The following HECW1 variants were observed in gnomAD, a reference collection of about 807,000 sequenced individuals.
HECW1 encodes the protein E3 ubiquitin-protein ligase HECW1.
A neutral mutation model predicts 182.3 loss-of-function variants in HECW1; 61 were observed. That is an observed-to-expected ratio of 0.33 (90% confidence interval 0.27 to 0.41). HECW1 has a LOEUF of 0.41. Among genes scored for constraint, HECW1 ranks in the 10% least tolerant of loss-of-function variants. HECW1 has a pLI of 1.00. For missense variants in HECW1, 1,739 were observed against 2,108.9 expected (o/e 0.82, Z 3.44); for synonymous variants, 859 against 832.6 (o/e 1.03, Z -0.55).
At chr7:43,192,282 A>G (rs567736705) in intron 2 of HECW1, among the ~76,000 whole-genome samples, 352 of 152,352 alleles carry the variant, frequency 2.3e-3, no homozygotes, top group African/African-American at 8.1e-3. Context: ...ATAGATCAGT[A>G]GGGTGACTCA....
chr7:43,213,724 C>T lies in HECW1; in HGVS notation c.-31-30151C>T, dbSNP rs536509505. ...CCTCCAAAAGTGCTGGGATTACAGG[C>T]GTGAGCCACTGCGCCCAGCCAATAA... On this transcript the variant is annotated intron_variant, in intron 2 of 29. Coordinates refer to ENST00000395891, the MANE Select transcript of HECW1 (RefSeq NM_015052.5). 8.5e-5 allele frequency among the ~76,000 whole-genome samples: 13 copies of T among 152,140 alleles called. No individual in the cohort carries two copies. The East Asian group carries it at 9.7e-4, about 11-fold the overall frequency.
chr7:43,299,607 T>C (rs1193101358), intron 3 of HECW1, among the ~76,000 whole-genome samples: 1 of 152,210 alleles, frequency 6.6e-6, no homozygotes, highest in African/African-American at 2.4e-5. Context: ...TCAGAAAGAT[T>C]AGCTGTGTGG....
At chr7:43,550,210 C>T (rs1221828906) in intron 26 of HECW1, among the ~76,000 whole-genome samples, 2 of 152,154 alleles carry the variant, frequency 1.3e-5, no homozygotes, top group South Asian at 2.1e-4. Context: ...GTCATTTGCC[C>T]CCAGGAATGC....
chr7:43,525,817 G>T (rs964577296), intron 24 of HECW1, among the ~76,000 whole-genome samples: 1 of 152,228 alleles, frequency 6.6e-6, no homozygotes, highest in South Asian at 2.1e-4. Context: ...CCTAGGCTGA[G>T]AGCAGATCAG....
chr7:43,311,492 G>A (rs568372441), intron 3 of HECW1: 1 of 648,820 alleles, frequency 1.5e-6, no homozygotes, highest in South Asian at 1.5e-5. Context: ...GTATCAAGTG[G>A]GTTAGAGCCG....
In HECW1 at chr7:43,541,341, C is replaced by T. The variant is rs913339701; in HGVS notation, c.4118+80C>T. 23 of 1,083,292 alleles carry T rather than the reference C, an allele frequency of 2.1e-5. No homozygotes were observed. The African/African-American group carries it at 2.9e-4, about 14-fold the overall frequency. 67.1% of individuals were successfully genotyped at this position (1,083,292 alleles called of 1,614,324 possible). A position where few individuals can be genotyped will look rare whatever the true frequency, so the allele number is the denominator to read the frequency against. ...ACCGACCTCTCTGGTGCCACTGACC[C>T]TTTTGTCACTATTTTGCCCTAACCA... On this transcript the variant is annotated intron_variant, in intron 25 of 29. Transcript: ENST00000395891.
At chr7:43,114,994 C>T (rs1784928493) in intron 2 of HECW1, among the ~76,000 whole-genome samples, 1 of 152,118 alleles carries the variant, frequency 6.6e-6, no homozygotes, top group Non-Finnish European at 1.5e-5. Context: ...TGATTGTTAA[C>T]AAAAGAAATA....
chr7:43,301,644 A>G (rs1806796286), intron 3 of HECW1, among the ~76,000 whole-genome samples: 2 of 152,170 alleles, frequency 1.3e-5, no homozygotes. Context: ...TGGGAGGTCA[A>G]GGTGGATCAC....
rs369654096 is a variant in HECW1, at chr7:43,360,971, G to A, written c.546G>A (p.Ser182=). ...CCCCCAGTGTCACGGTCAAAAACTC[G>A]GCAGCTCCTGTAAGTCTCATTTCTC... ...ATTPSVTVKN[S]AAPIFKSIGA... Residue 182 remains serine, a synonymous_variant, in exon 6 of 30, where the codon TCG becomes TCA. Transcript: ENST00000395891. 4.4e-4 allele frequency: 702 copies of A among 1,608,906 alleles called. No homozygotes were observed. Among genetic ancestry groups the A allele is most frequent in the Non-Finnish European group, 5.0e-4 (593 of 1,177,282 alleles).
intron 5 of HECW1, among the ~76,000 whole-genome samples, chr7:43,326,291 C>T (rs887842880): frequency 4.6e-5 from 7 of 152,212 alleles, no homozygotes; most frequent in African/African-American, 1.4e-4. Flanking sequence ...AATGACTCCC[C>T]CCTTGACCAT....
chr7:43,222,266 T>G (rs1235266949), intron 2 of HECW1, among the ~76,000 whole-genome samples: 2 of 152,186 alleles, frequency 1.3e-5, no homozygotes, highest in Non-Finnish European at 2.9e-5. Context: ...GGGTTTTTTT[T>G]GCTCTGAAAA....
At chr7:43,289,106 C>CTTTT (rs61444685) in intron 3 of HECW1, among the ~76,000 whole-genome samples, 1 of 141,578 alleles carries the variant, frequency 7.1e-6, no homozygotes, top group African/African-American at 2.6e-5. Context: ...TTTCTCTTTT[C>CTTTT]TTTTTTTTTT....
At chr7:43,499,060 C>T (rs899163564) in intron 19 of HECW1, among the ~76,000 whole-genome samples, 2 of 152,024 alleles carry the variant, frequency 1.3e-5, no homozygotes, top group Non-Finnish European at 2.9e-5. Flanking sequence ...GCAGGCGAAT[C>T]TCTTGAGCCC....
intron 4 of HECW1, among the ~76,000 whole-genome samples, chr7:43,320,274 G>C (rs1439181523): frequency 1.3e-5 from 2 of 152,202 alleles, no homozygotes; most frequent in African/African-American, 4.8e-5. Flanking sequence ...ATAGGGATCA[G>C]TTCATAGAAG....
chr7:43,484,213 T>C (rs1433147498), intron 17 of HECW1: 1 of 152,254 alleles, frequency 6.6e-6, no homozygotes, highest in Non-Finnish European at 1.5e-5. Flanking sequence ...TCAGAGTCTG[T>C]GGGGCTTGAT....
chr7:43,157,831 G>T (rs1790057605), intron 2 of HECW1, among the ~76,000 whole-genome samples: 1 of 152,162 alleles, frequency 6.6e-6, no homozygotes, highest in African/African-American at 2.4e-5. Context: ...AAAGTGCTGG[G>T]ACTATAGGCA....
intron 6 of HECW1, among the ~76,000 whole-genome samples, chr7:43,374,116 T>C (rs919695771): frequency 2.7e-4 from 41 of 152,330 alleles, no homozygotes; most frequent in East Asian, 3.9e-4. Context: ...AGGAAAATTA[T>C]TTGTTGTTTC....
At chr7:43,518,790 T>G (rs1168427459) in intron 24 of HECW1, among the ~76,000 whole-genome samples, 1 of 152,056 alleles carries the variant, frequency 6.6e-6, no homozygotes, top group East Asian at 1.9e-4. Flanking sequence ...GTGAAGGAAA[T>G]GAAAACTAAG....
chr7:43,193,316 C>A (rs1223192544), intron 2 of HECW1, among the ~76,000 whole-genome samples: 1 of 152,120 alleles, frequency 6.6e-6, no homozygotes, highest in Non-Finnish European at 1.5e-5. Flanking sequence ...ACCAGTCCTG[C>A]CGAACTCCTA....
Sources: gnomAD v4.1 joint callset for allele counts (sites outside exome capture counted in the v4.1 genomes callset) on GRCh38, gnomAD v4.1.1 for gene constraint, MANE v1.5 for transcripts, NCBI Gene and HGNC (gene_info 2026-07-23, HGNC 2026-07-21) for gene names.